The following IMMP2L variants were observed in gnomAD, a reference collection of about 807,000 sequenced individuals.
IMMP2L encodes the protein inner mitochondrial membrane peptidase subunit 2.
A neutral mutation model predicts 19.3 loss-of-function variants in IMMP2L; 18 were observed. That is an observed-to-expected ratio of 0.93 (90% CI 0.64 to 1.38). IMMP2L has a LOEUF of 1.38. Ranked by LOEUF, IMMP2L falls within the 40% of genes most tolerant of loss-of-function variation. The pLI, the probability that IMMP2L is intolerant of heterozygous loss-of-function variation, is 0.00. For missense variants in IMMP2L, 233 were observed against 218.2 expected, an observed-to-expected ratio of 1.07 and a Z score of -0.43; for synonymous variants, 76 against 73.0, an observed-to-expected ratio of 1.04 and a Z score of -0.21.
At chr7:110,790,733 C>T (rs1800406984) in intron 5 of IMMP2L, among the ~76,000 whole-genome samples, 1 of 151,568 alleles carries the variant, frequency 6.6e-6, no homozygotes. Context: ...GAATTCAGAG[C>T]CGGCAAGCAA....
chr7:110,667,729 C>G (rs1302085854), intron 5 of IMMP2L, among the ~76,000 whole-genome samples: 1 of 152,130 alleles, frequency 6.6e-6, no homozygotes, highest in Admixed American at 6.5e-5. Flanking sequence ...TTAACTTTAG[C>G]CCAGTGAGAC....
chr7:110,873,472 A>G (rs1409142484), intron 5 of IMMP2L, among the ~76,000 whole-genome samples: 1 of 148,850 alleles, frequency 6.7e-6, no homozygotes, highest in Non-Finnish European at 1.5e-5. Flanking sequence ...AAAAGAAAGC[A>G]GCATTTGTTG....
chr7:111,328,713 G>C (rs181025612), intron 3 of IMMP2L, among the ~76,000 whole-genome samples: 1 of 151,864 alleles, frequency 6.6e-6, no homozygotes, highest in East Asian at 1.9e-4. Context: ...TGTATAGCTT[G>C]AGAAGTGATG....
chr7:111,456,243 C>G (rs1173054717), intron 3 of IMMP2L, among the ~76,000 whole-genome samples: 5 of 151,890 alleles, frequency 3.3e-5, no homozygotes, highest in Non-Finnish European at 7.4e-5. Context: ...GTGGTTTGGT[C>G]TCTAGCAGAA....
intron 1 of IMMP2L, among the ~76,000 whole-genome samples, chr7:111,542,411 T>C (rs1053483640): frequency 4.6e-5 from 7 of 152,112 alleles, no homozygotes; most frequent in Admixed American, 1.3e-4. Flanking sequence ...ATCTCTACAT[T>C]AACCTTATTT....
rs758139811 is a variant in IMMP2L at position 111,124,000 on chromosome 7, G to A, written c.240-160435C>T. On this transcript the variant is annotated intron_variant, in intron 3 of 5. Coordinates refer to ENST00000405709, the MANE Select transcript of IMMP2L (RefSeq NM_032549.4). The surrounding 1 kb of genome is among the most constrained non-coding windows in gnomAD (Gnocchi z 6.4). Reference sequence around the variant, plus strand: ...ATTCCAAGGTCAGAATGTTCGGCAAGTGCATTTCAGGGACATGATGGAAAT... The same window carrying A: ...ATTCCAAGGTCAGAATGTTCGGCAAATGCATTTCAGGGACATGATGGAAAT... 7 of 1,613,962 alleles carry A rather than the reference G, an allele frequency of 4.3e-6. No individual in the cohort carries two copies. The Admixed American group carries it at 1.2e-4, about 27-fold the overall frequency.
intron 3 of IMMP2L, among the ~76,000 whole-genome samples, chr7:111,458,601 T>A (rs1839879899): frequency 6.6e-6 from 1 of 152,096 alleles, no homozygotes; most frequent in Non-Finnish European, 1.5e-5. Context: ...CAGAAAATTT[T>A]CCTGATTCTC....
rs758500954 is a variant in IMMP2L, at chr7:110,735,828, CAG to C, written c.409-72109_409-72108del. ...TACCACTGCACTCCAGCCTGGGTGA[CAG>C]AGTCTCACTCTGCCTCAAAAAAAAA... On this transcript the variant is annotated intron_variant, in intron 5 of 5. Coordinates refer to ENST00000405709, the MANE Select transcript of IMMP2L (RefSeq NM_032549.4). Among the ~76,000 whole-genome samples, 187 of 104,038 alleles carry C rather than the reference CAG, an allele frequency of 1.8e-3. 1 individual carries two copies. Among genetic ancestry groups the C allele is most frequent in the South Asian group, 3.8e-3 (11 of 2,916 alleles). 68.3% of individuals were successfully genotyped at this position (104,038 alleles called of 152,430 possible).
chr7:111,037,889 A>C lies in IMMP2L; in HGVS notation c.240-74324T>G, dbSNP rs78987514. On this transcript the variant is annotated intron_variant, in intron 3 of 5. Coordinates refer to ENST00000405709, the MANE Select transcript of IMMP2L (RefSeq NM_032549.4). ...GTAAAGTTCACATATCTGTTTGTAG[A>C]TGACAGTTTTAAATGTACTGTATTT... 1.1e-3 allele frequency among the ~76,000 whole-genome samples: 175 copies of C among 152,294 alleles called. 1 individual carries two copies. The highest frequency in any genetic ancestry group is 4.0e-3 in the African/African-American group (167 of 41,568).
At chr7:111,090,853 T>C (rs566847870) in intron 3 of IMMP2L, among the ~76,000 whole-genome samples, 2 of 152,266 alleles carry the variant, frequency 1.3e-5, no homozygotes, top group East Asian at 1.9e-4. Flanking sequence ...TTTCTCTGAA[T>C]GACTGATAAC....
intron 3 of IMMP2L, among the ~76,000 whole-genome samples, chr7:110,997,163 T>TA (rs1467056508): frequency 1.3e-5 from 2 of 151,996 alleles, no homozygotes. Flanking sequence ...GGAATGTACT[T>TA]AAAAAAAATT....
intron 3 of IMMP2L, among the ~76,000 whole-genome samples, chr7:111,392,357 A>T (rs1385427163): frequency 6.6e-6 from 1 of 152,178 alleles, no homozygotes; most frequent in East Asian, 1.9e-4. Flanking sequence ...GAATTTATAG[A>T]TTTAGATTCT....
At chr7:111,179,275 G>C (rs1013462786) in intron 3 of IMMP2L, among the ~76,000 whole-genome samples, 1 of 152,062 alleles carries the variant, frequency 6.6e-6, no homozygotes, top group African/African-American at 2.4e-5. Context: ...TATAAACCAA[G>C]CTTGTTCAAC....
At chr7:110,945,653 G>A (rs557629854) in intron 4 of IMMP2L, among the ~76,000 whole-genome samples, 2 of 152,042 alleles carry the variant, frequency 1.3e-5, no homozygotes, top group Middle Eastern at 6.8e-3. Context: ...TGGAAGACAT[G>A]GAAATCATTT....
chr7:111,101,789 T>C (rs1304287205), intron 3 of IMMP2L, among the ~76,000 whole-genome samples: 1 of 151,414 alleles, frequency 6.6e-6, no homozygotes, highest in East Asian at 1.9e-4. Context: ...TCAGTTAATA[T>C]GTAATAATGT....
At chr7:110,692,641 C>T (rs1465881575) in intron 5 of IMMP2L, among the ~76,000 whole-genome samples, 1 of 151,916 alleles carries the variant, frequency 6.6e-6, no homozygotes. Flanking sequence ...CAAACTTCGC[C>T]GATTATTTAC....
At chr7:110,818,507 C>T (rs1048560985) in intron 5 of IMMP2L, among the ~76,000 whole-genome samples, 34 of 152,282 alleles carry the variant, frequency 2.2e-4, no homozygotes, top group African/African-American at 6.3e-4. Context: ...CACTTTTACA[C>T]TGTTGGTGGG....
chr7:111,053,786 T>C (rs1793230325), intron 3 of IMMP2L, among the ~76,000 whole-genome samples: 2 of 152,216 alleles, frequency 1.3e-5, no homozygotes, highest in African/African-American at 4.8e-5. Context: ...AATAATCTGC[T>C]ATAAATAAGT....
At chr7:111,396,259 A>C (rs1042899551) in intron 3 of IMMP2L, among the ~76,000 whole-genome samples, 1 of 152,190 alleles carries the variant, frequency 6.6e-6, no homozygotes, top group Admixed American at 6.5e-5. Flanking sequence ...GAACCAACCT[A>C]AATGCCCATC....
Sources: gnomAD v4.1 joint callset for allele counts (sites outside exome capture counted in the v4.1 genomes callset) on GRCh38, gnomAD v4.1.1 for gene constraint, Gnocchi (gnomAD v3.1) non-coding constraint, MANE v1.5 for transcripts, NCBI Gene and HGNC (gene_info 2026-07-23, HGNC 2026-07-21) for gene names.